Variants in APLF observed in about 807,000 individuals in gnomAD.
APLF encodes the protein aprataxin and PNKP like factor.
APLF carries 61 observed loss-of-function variants against 55.6 expected under a neutral mutation model. The observed-to-expected ratio is 1.10, with a 90% confidence interval of 0.89 to 1.36. The LOEUF is 1.36. Among genes scored for constraint, APLF ranks in the 40% most tolerant of loss-of-function variants. The pLI is 0.00. For missense variants in APLF, 611 were observed against 602.5 expected, an observed-to-expected ratio of 1.01 and a Z score of -0.15; for synonymous variants, 207 against 214.8, an observed-to-expected ratio of 0.96 and a Z score of 0.32.
At chr2:68,551,173 A>G (rs1670850129) in intron 8 of APLF, among the ~76,000 whole-genome samples, 1 of 151,534 alleles carries the variant, frequency 6.6e-6, no homozygotes, top group African/African-American at 2.4e-5. Flanking sequence ...CATGCCATGG[A>G]CTCTTGCATC....
At chr2:68,475,067 G>A (rs1448694510) in intron 1 of APLF, among the ~76,000 whole-genome samples, 7 of 152,180 alleles carry the variant, frequency 4.6e-5, no homozygotes, top group African/African-American at 1.7e-4. Context: ...GCACAGAATA[G>A]GTCTTTAAGA....
chr2:68,472,698 G>C (rs1396689694), intron 1 of APLF, among the ~76,000 whole-genome samples: 1 of 152,050 alleles, frequency 6.6e-6, no homozygotes, highest in Non-Finnish European at 1.5e-5. Flanking sequence ...AGGTGGAGTG[G>C]GTGGTGTAAG....
intron 8 of APLF, among the ~76,000 whole-genome samples, chr2:68,552,652 A>G (rs1317125327): frequency 6.6e-6 from 1 of 152,132 alleles, no homozygotes; most frequent in Non-Finnish European, 1.5e-5. Context: ...AATAATGCCT[A>G]TTCTTCAGAA....
chr2:68,526,249 T>C lies in APLF; in HGVS notation c.804+7T>C. 4 of 1,596,748 alleles carry C rather than the reference T, an allele frequency of 2.5e-6. No homozygotes were observed. Among genetic ancestry groups the C allele is most frequent in the Non-Finnish European group, 3.4e-6 (4 of 1,173,638 alleles). On this transcript the variant is annotated splice_region_variant and intron_variant, in intron 6 of 9. Transcript: ENST00000303795. ...GTCTACCATTTCATCCAAGGTGATTTTAAAAAATTCATTATTTGATTGTTT... is the reference window on the plus strand; with the variant it reads ...GTCTACCATTTCATCCAAGGTGATTCTAAAAAATTCATTATTTGATTGTTT...
chr2:68,469,359 G>A (rs1675546052), intron 1 of APLF, among the ~76,000 whole-genome samples: 1 of 152,134 alleles, frequency 6.6e-6, no homozygotes, highest in African/African-American at 2.4e-5. Context: ...TAGGGCCGTG[G>A]TTTAGAAACA....
chr2:68,493,328 A>G (rs927322768), intron 2 of APLF, among the ~76,000 whole-genome samples: 4 of 149,280 alleles, frequency 2.7e-5, no homozygotes, highest in Non-Finnish European at 5.9e-5. Flanking sequence ...ATCTGTTTGG[A>G]AAAAAAAATT....
At chr2:68,576,682 G>A (rs1479541045) in intron 9 of APLF, among the ~76,000 whole-genome samples, 2 of 151,996 alleles carry the variant, frequency 1.3e-5, no homozygotes, top group African/African-American at 4.8e-5. Flanking sequence ...GGGCTATAAG[G>A]GTTAAAAGGA....
intron 8 of APLF, among the ~76,000 whole-genome samples, chr2:68,560,436 T>TC (rs1227325737): frequency 2.0e-5 from 3 of 151,828 alleles, no homozygotes; most frequent in Non-Finnish European, 2.9e-5. Flanking sequence ...TAGGGTCAAA[T>TC]TTTCCATTGG....
Position 68,467,817 on chromosome 2 carries a change from C to A in APLF, c.86C>A (p.Pro29Gln). 1 of 1,233,166 alleles carries A rather than the reference C, an allele frequency of 8.1e-7. No homozygotes were observed. The highest frequency in any genetic ancestry group is 1.0e-6 in the Non-Finnish European group (1 of 988,104). 76.4% of individuals were successfully genotyped at this position (1,233,166 alleles called of 1,614,324 possible). A position where few individuals can be genotyped will look rare whatever the true frequency, so the allele number is the denominator to read the frequency against. ...GGGGAGACGGTGATCGGCCGCGGGCCGCTGCTGGGAGTAAGTGTGGGCGGG... is the reference window on the plus strand; with the variant it reads ...GGGGAGACGGTGATCGGCCGCGGGCAGCTGCTGGGAGTAAGTGTGGGCGGG... ...APGETVIGRG[P>Q]LLGITDKRVS... Residue 29 changes from proline (P) to glutamine (Q), a missense_variant, in exon 1 of 10, where the codon CCG (proline) becomes CAG (glutamine). Physicochemically the swap from Pro to Gln is moderately conservative, Grantham distance 76. Transcript: ENST00000303795.
At chr2:68,483,448 ATCTTGCCACTC>A (rs1294816295) in intron 1 of APLF, among the ~76,000 whole-genome samples, 1 of 152,122 alleles carries the variant, frequency 6.6e-6, no homozygotes, top group African/African-American at 2.4e-5. Flanking sequence ...CTCCACAGGG[ATCTTGCCACTC>A]TCTTGCTGCA....
chr2:68,477,816 G>T (rs1027501868), intron 1 of APLF, among the ~76,000 whole-genome samples: 2 of 152,156 alleles, frequency 1.3e-5, no homozygotes, highest in African/African-American at 2.4e-5. Context: ...GAGAGCTTGT[G>T]CAGGGGAACT....
At position 68,578,840 on chromosome 2, in the gene APLF, G is replaced by T; in HGVS notation, c.*818G>T. 1.0e-6 allele frequency: 1 copy of T among 985,258 alleles called. No individual in the cohort carries two copies. The highest frequency in any genetic ancestry group is 1.2e-6 in the Non-Finnish European group (1 of 829,860). The allele number at this position is 985,258 out of a possible 1,614,324, so 61.0% of individuals were successfully genotyped here. On this transcript the variant is annotated 3_prime_UTR_variant, in exon 10 of 10. Coordinates refer to ENST00000303795, the MANE Select transcript of APLF (RefSeq NM_173545.3). The stretch of plus-strand genomic sequence containing the variant: ...TGCCTTAGTTTTTTTGACCTCAGAT[G>T]AAAGTAGCAAGTTGTTTGCCAGTTG...
At chr2:68,484,847 TACA>T (rs1157120126) in intron 1 of APLF, among the ~76,000 whole-genome samples, 2 of 151,708 alleles carry the variant, frequency 1.3e-5, no homozygotes, top group African/African-American at 4.8e-5. Flanking sequence ...AAAAAATAAA[TACA>T]ACAATTGTTA....
At chr2:68,496,537 C>T (rs1003569880) in intron 2 of APLF, among the ~76,000 whole-genome samples, 2 of 152,234 alleles carry the variant, frequency 1.3e-5, no homozygotes, top group Non-Finnish European at 1.5e-5. Context: ...AGCTTTTGCA[C>T]TCTGCTTCCT....
At chr2:68,519,145 A>G (rs1558540326) in intron 5 of APLF, among the ~76,000 whole-genome samples, 1 of 136,486 alleles carries the variant, frequency 7.3e-6, no homozygotes, top group Non-Finnish European at 1.5e-5. Flanking sequence ...CATTTTATAT[A>G]TATATAAAGA....
intron 5 of APLF, among the ~76,000 whole-genome samples, chr2:68,516,318 C>T (rs1216368985): frequency 6.6e-6 from 1 of 151,594 alleles, no homozygotes; most frequent in Non-Finnish European, 1.5e-5. Flanking sequence ...TGCGATCTCT[C>T]CTGGATCATC....
At chr2:68,531,521 G>A (rs1670256480) in intron 6 of APLF, 1 of 152,258 alleles carries the variant, frequency 6.6e-6, no homozygotes, top group Admixed American at 6.5e-5. Flanking sequence ...AGCTACAGAA[G>A]TGGGGCCTGG....
chr2:68,546,712 T>A (rs1015252416), intron 8 of APLF, among the ~76,000 whole-genome samples: 14 of 151,864 alleles, frequency 9.2e-5, no homozygotes, highest in Admixed American at 2.0e-4. Flanking sequence ...AGCATTCATT[T>A]ATGAAAAAAA....
chr2:68,510,135 T>G (rs1377823088), intron 3 of APLF, among the ~76,000 whole-genome samples: 1 of 150,922 alleles, frequency 6.6e-6, no homozygotes, highest in Non-Finnish European at 1.5e-5. Flanking sequence ...AGTTAATGGG[T>G]GCAGCACACC....
Sources: gnomAD v4.1 joint callset for allele counts (sites outside exome capture counted in the v4.1 genomes callset) on GRCh38, gnomAD v4.1.1 for gene constraint, MANE v1.5 for transcripts, NCBI Gene and HGNC (gene_info 2026-07-23, HGNC 2026-07-21) for gene names.